The following BAZ1A variants were observed in gnomAD, a reference collection of about 807,000 sequenced individuals.
BAZ1A encodes the protein bromodomain adjacent to zinc finger domain protein 1A.
In BAZ1A, 50 loss-of-function variants were observed where a neutral mutation model predicts 185.2. The ratio of observed to expected loss-of-function variants is 0.27; its 90% CI spans 0.22 to 0.34. The LOEUF is 0.34. Among genes scored for constraint, BAZ1A ranks in the 10% least tolerant of loss-of-function variants. The probability of loss-of-function intolerance (pLI) is 1.00; values close to 1 mark genes in which losing one functional copy is unlikely to be tolerated. For synonymous variants in BAZ1A, 571 were observed against 615.6 expected (o/e 0.93, Z 1.07); for missense variants, 1,356 against 1,839.9 (o/e 0.74, Z 4.81).
chr14:34,868,810 CAG>C (rs1456549854), intron 2 of BAZ1A, among the ~76,000 whole-genome samples: 2 of 149,384 alleles, frequency 1.3e-5, no homozygotes, highest in African/African-American at 4.9e-5. Context: ...CAAAAAAAAA[CAG>C]AAACAAAGTA....
At chr14:34,765,433 A>G (rs1044069345) in intron 21 of BAZ1A, among the ~76,000 whole-genome samples, 165 bp from the exon 22 acceptor site, 1 of 152,244 alleles carries the variant, frequency 6.6e-6, no homozygotes, top group Non-Finnish European at 1.5e-5. Context: ...CTCATGGAAA[A>G]TATTTGCTGA....
rs1352646315 is a variant in BAZ1A, at chr14:34,774,436, G to A, written c.2888C>T (p.Ala963Val). Residue 963 changes from alanine to valine, a missense_variant, in exon 19 of 27, where the codon GCA becomes GTA. Physicochemically the swap from Ala to Val is moderately conservative, Grantham distance 64. Coordinates refer to ENST00000360310, the MANE Select transcript of BAZ1A (RefSeq NM_013448.3). ...PTYSRGRSSNAYDPSQMCAEK... is the reference protein window; with the variant it reads ...PTYSRGRSSNVYDPSQMCAEK... The stretch of plus-strand genomic sequence containing the variant: ...TGCACACATCTGAGATGGATCATAT[G>A]CATTGGAAGATCTTCCCCGACTATA... 6.2e-7 allele frequency: 1 copy of A among 1,611,858 alleles called. No individual in the cohort carries two copies. Among genetic ancestry groups the A allele is most frequent in the Admixed American group, 1.7e-5 (1 of 59,662 alleles).
rs1480060056 is a variant in BAZ1A at position 34,783,783 on chromosome 14, T to C, written c.1976A>G (p.Glu659Gly). ...TTACCTGGCAGCTGCTTCTTCCCTC[T>C]CTTTTCGATGTTGTTCTGCTTTTAA... ...RELKAEQHRKEREEAAARIRK... is the reference protein window; with the variant it reads ...RELKAEQHRKGREEAAARIRK... Residue 659 changes from glutamate (E) to glycine (G), a missense_variant, in exon 15 of 27, where the codon GAG becomes GGG. This residue lies in a region of BAZ1A where 434 missense variants were observed against 561.7 expected (regional missense o/e 0.77). Transcript: ENST00000360310. 6.2e-7 allele frequency: 1 copy of C among 1,610,136 alleles called. No individual in the cohort carries two copies. Among genetic ancestry groups the C allele is most frequent in the Non-Finnish European group, 8.5e-7 (1 of 1,179,066 alleles).
chr14:34,780,859 T>TG (rs1331344795), intron 16 of BAZ1A, among the ~76,000 whole-genome samples: 4 of 151,942 alleles, frequency 2.6e-5, no homozygotes, highest in Admixed American at 6.6e-5. Context: ...AGCCACTGTG[T>TG]GAAAAATTAC....
chr14:34,763,821 C>T (rs3783318), intron 23 of BAZ1A, among the ~76,000 whole-genome samples: 2,236 of 152,098 alleles, frequency 0.015, 40 homozygotes, highest in African/African-American at 0.047. Flanking sequence ...TAGGAGACTA[C>T]AGTGTAATGT....
In BAZ1A at chr14:34,761,793, C is replaced by T; in HGVS notation, c.4207G>A (p.Glu1403Lys). Reference protein sequence around the residue: ...IASKLSLQESESKRRCRKRQS... With the variant: ...IASKLSLQESKSKRRCRKRQS... ...CTTTTTCTGCATCTTCTTTTGGATTCACTCTCTTGGAGAGAAAGTTTTGAA... is the reference window on the plus strand; with the variant it reads ...CTTTTTCTGCATCTTCTTTTGGATTTACTCTCTTGGAGAGAAAGTTTTGAA... The change falls in exon 24 of 27, where the codon GAA becomes AAA. Residue 1403 changes from glutamate (E) to lysine (K), a missense_variant. Coordinates refer to ENST00000360310, the MANE Select transcript of BAZ1A (RefSeq NM_013448.3). 1 of 1,613,552 alleles carries T rather than the reference C, an allele frequency of 6.2e-7. No individual in the cohort carries two copies. Among genetic ancestry groups the T allele is most frequent in the Non-Finnish European group, 8.5e-7 (1 of 1,179,584 alleles).
At chr14:34,838,468 T>C (rs1015280377) in intron 3 of BAZ1A, among the ~76,000 whole-genome samples, 2 of 152,136 alleles carry the variant, frequency 1.3e-5, no homozygotes, top group African/African-American at 2.4e-5. Context: ...GTCAGTATTC[T>C]GGTTGTGATA....
rs377029513 is a variant in BAZ1A, at chr14:34,813,900, G to A, written c.537-2864C>T. Among the ~76,000 whole-genome samples the A allele has an allele frequency of 1.6e-4, 24 of 151,574 alleles. No homozygotes were observed. In the East Asian group the frequency reaches 2.9e-3, roughly 18 times the overall value. On this transcript the variant is annotated intron_variant, in intron 4 of 26. Coordinates refer to ENST00000360310, the MANE Select transcript of BAZ1A (RefSeq NM_013448.3). The stretch of plus-strand genomic sequence containing the variant: ...TCTACTGAAAATACAAAAATTAGCC[G>A]GCCTTGGTGGCCTGCGCCTGTAGCC...
At chr14:34,819,255 A>T (rs1445232505) in intron 4 of BAZ1A, among the ~76,000 whole-genome samples, 1 of 152,022 alleles carries the variant, frequency 6.6e-6, no homozygotes. Flanking sequence ...TGGTTTCAGG[A>T]ATCCACTGAA....
chr14:34,805,542 G>A (rs148478703), intron 6 of BAZ1A, among the ~76,000 whole-genome samples: 10 of 152,260 alleles, frequency 6.6e-5, no homozygotes, highest in East Asian at 1.9e-4. Context: ...TGCCTACCAC[G>A]TGTCAGGCAC....
chr14:34,829,890 T>G (rs1209379491), intron 3 of BAZ1A, among the ~76,000 whole-genome samples: 1 of 152,174 alleles, frequency 6.6e-6, no homozygotes, highest in Non-Finnish European at 1.5e-5. Context: ...ACTGCATATC[T>G]CTTGGTTGAT....
intron 4 of BAZ1A, among the ~76,000 whole-genome samples, chr14:34,813,541 A>G (rs1305870749): frequency 5.9e-5 from 9 of 152,044 alleles, no homozygotes; most frequent in African/African-American, 2.2e-4. Context: ...AAAGTTAGCC[A>G]GGTGTGGTGG....
chr14:34,796,584 G>A (rs1010482928), intron 9 of BAZ1A, among the ~76,000 whole-genome samples: 1 of 152,006 alleles, frequency 6.6e-6, no homozygotes, highest in African/African-American at 2.4e-5. Context: ...TCTCTTACTC[G>A]GTCTTTTGAA....
chr14:34,863,151 G>GTTT (rs2042798392), intron 2 of BAZ1A, among the ~76,000 whole-genome samples: 1 of 107,226 alleles, frequency 9.3e-6, no homozygotes, highest in African/African-American at 3.7e-5. Context: ...ACCACGCTCG[G>GTTT]CTTTTTTTTT....
intron 14 of BAZ1A, among the ~76,000 whole-genome samples, chr14:34,785,339 A>C (rs1880371694): frequency 6.6e-6 from 1 of 152,352 alleles, no homozygotes; most frequent in South Asian, 2.1e-4. Flanking sequence ...TATGTTCTCT[A>C]AAGTATACTA....
At chr14:34,823,165 C>A (rs1443772151) in intron 4 of BAZ1A, among the ~76,000 whole-genome samples, 3 of 151,990 alleles carry the variant, frequency 2.0e-5, no homozygotes, top group Admixed American at 1.3e-4. Flanking sequence ...ACCTGCCTGG[C>A]CATCATGGTG....
chr14:34,764,199 A>G (rs979389854), intron 23 of BAZ1A, among the ~76,000 whole-genome samples: 1 of 152,050 alleles, frequency 6.6e-6, no homozygotes, highest in African/African-American at 2.4e-5. Flanking sequence ...CAAATTATCA[A>G]TACTCCCTTG....
intron 3 of BAZ1A, among the ~76,000 whole-genome samples, chr14:34,857,087 A>T (rs1440554971): frequency 1.3e-5 from 2 of 149,248 alleles, no homozygotes; most frequent in Admixed American, 1.3e-4. Flanking sequence ...GCTCACTGCA[A>T]GCTCCGCCTC....
intron 3 of BAZ1A, among the ~76,000 whole-genome samples, chr14:34,832,191 T>TACACACACACACACACACAC (rs57379319): frequency 2.9e-4 from 28 of 96,578 alleles, no homozygotes; most frequent in South Asian, 8.1e-4. Flanking sequence ...TATATACATA[T>TACACACACACACACACACAC]ACACACACAC....
Sources: gnomAD v4.1 joint callset for allele counts (sites outside exome capture counted in the v4.1 genomes callset) on GRCh38, gnomAD v4.1.1 for gene constraint, gnomAD v4.1.1 regional missense constraint, MANE v1.5 for transcripts, NCBI Gene and HGNC (gene_info 2026-07-23, HGNC 2026-07-21) for gene names.